Variants in SHISA9 observed in about 807,000 individuals in gnomAD.
The protein encoded by SHISA9 is protein shisa-9.
In SHISA9, 13 loss-of-function variants were observed where a neutral mutation model predicts 38.0. The observed-to-expected ratio is 0.34, with a 90% CI of 0.22 to 0.54. The LOEUF is 0.54. Among genes scored for constraint, SHISA9 ranks in the 20% least tolerant of loss-of-function variants. The probability of loss-of-function intolerance (pLI) is 0.91; values close to 1 mark genes in which losing one functional copy is unlikely to be tolerated. For synonymous variants in SHISA9, 275 were observed against 242.0 expected, an observed-to-expected ratio of 1.14 and a Z score of -1.27; for missense variants, 538 against 575.8, an observed-to-expected ratio of 0.93 and a Z score of 0.67.
At chr16:13,355,798 G>A in the SHISA9 span, among the ~76,000 whole-genome samples, 507 of 152,264 alleles carry the variant, frequency 3.3e-3, 3 homozygotes, top group Non-Finnish European at 5.2e-3. Flanking sequence ...GATGGTCTAG[G>A]GGGCTTCCGA....
the SHISA9 span, among the ~76,000 whole-genome samples, chr16:13,392,468 A>G: frequency 6.6e-6 from 1 of 152,316 alleles, no homozygotes; most frequent in East Asian, 1.9e-4. Context: ...TGATTCACCT[A>G]CTGAAGGATG....
At chr16:13,164,595 A>G (rs868806349) in intron 2 of SHISA9, among the ~76,000 whole-genome samples, 12 of 152,086 alleles carry the variant, frequency 7.9e-5, no homozygotes, top group African/African-American at 2.7e-4. Context: ...AGCTGAGGTC[A>G]TTCCTTTGAG....
chr16:13,553,392 C>T, the SHISA9 span, among the ~76,000 whole-genome samples: 1 of 152,188 alleles, frequency 6.6e-6, no homozygotes, highest in African/African-American at 2.4e-5. Flanking sequence ...TTTACATGAT[C>T]TGTTTTAAGT....
At chr16:13,467,654 G>T in the SHISA9 span, among the ~76,000 whole-genome samples, 8 of 152,178 alleles carry the variant, frequency 5.3e-5, no homozygotes, top group East Asian at 1.9e-4. Flanking sequence ...CTCACAATTT[G>T]CCCATCCATG....
chr16:13,483,328 C>A, the SHISA9 span, among the ~76,000 whole-genome samples: 2 of 152,094 alleles, frequency 1.3e-5, no homozygotes, highest in African/African-American at 4.8e-5. Flanking sequence ...TGGCATGCAC[C>A]CCCAAGGTCA....
chr16:12,998,571 C>G (rs1218689245), intron 2 of SHISA9, among the ~76,000 whole-genome samples: 1 of 152,148 alleles, frequency 6.6e-6, no homozygotes, highest in Non-Finnish European at 1.5e-5. Flanking sequence ...GCTCTGTTGG[C>G]TAGGCTGGAG....
chr16:13,396,368 A>C, the SHISA9 span, among the ~76,000 whole-genome samples: 31 of 152,318 alleles, frequency 2.0e-4, no homozygotes, highest in Admixed American at 1.9e-3. Context: ...TTAACTGGGC[A>C]GGGTGGTGTG....
At chr16:13,493,984 T>C in the SHISA9 span, among the ~76,000 whole-genome samples, 1 of 152,024 alleles carries the variant, frequency 6.6e-6, no homozygotes, top group African/African-American at 2.4e-5. Context: ...GAGATTCTGA[T>C]GGCTGGAGTT....
At chr16:13,074,746 C>G (rs995778986) in intron 2 of SHISA9, among the ~76,000 whole-genome samples, 1 of 150,814 alleles carries the variant, frequency 6.6e-6, no homozygotes, top group African/African-American at 2.4e-5. Context: ...CTCACTGCAA[C>G]CTCTGCCTCC....
At chr16:13,259,662 A>G in the SHISA9 span, among the ~76,000 whole-genome samples, 2 of 152,244 alleles carry the variant, frequency 1.3e-5, no homozygotes, top group Non-Finnish European at 2.9e-5. Flanking sequence ...CCACATGCTC[A>G]GTACCACATA....
At chr16:13,018,027 G>A (rs2072778591) in intron 2 of SHISA9, among the ~76,000 whole-genome samples, 1 of 152,174 alleles carries the variant, frequency 6.6e-6, no homozygotes, top group African/African-American at 2.4e-5. Flanking sequence ...TAACAACCAA[G>A]ACCATTCACT....
the SHISA9 span, among the ~76,000 whole-genome samples, chr16:13,328,363 T>C: frequency 6.6e-6 from 1 of 152,084 alleles, no homozygotes; most frequent in African/African-American, 2.4e-5. Context: ...CACCAGGGGG[T>C]TTGAACCTCC....
the SHISA9 span, among the ~76,000 whole-genome samples, chr16:13,267,875 GT>G: frequency 0.016 from 2,255 of 137,350 alleles, 23 homozygotes; most frequent in Middle Eastern, 0.056. Flanking sequence ...TGTTTCTCAG[GT>G]TTTTTTTTTT....
At chr16:13,339,065 T>G in the SHISA9 span, among the ~76,000 whole-genome samples, 2 of 152,142 alleles carry the variant, frequency 1.3e-5, no homozygotes, top group Middle Eastern at 3.2e-3. Context: ...TCTCTTGCAA[T>G]TTATGGGGAT....
the SHISA9 span, among the ~76,000 whole-genome samples, chr16:13,490,302 C>T: frequency 6.6e-6 from 1 of 152,190 alleles, no homozygotes; most frequent in East Asian, 1.9e-4. Flanking sequence ...GTGACGCACA[C>T]CTGTAATCCC....
intron 2 of SHISA9, among the ~76,000 whole-genome samples, chr16:13,008,562 G>A (rs908892326): frequency 5.3e-5 from 8 of 151,772 alleles, no homozygotes; most frequent in Non-Finnish European, 1.5e-5. Context: ...GTGTTCTCAC[G>A]AGATCTGGTT....
intron 2 of SHISA9, among the ~76,000 whole-genome samples, chr16:13,012,598 C>A (rs932661168): frequency 5.3e-5 from 8 of 152,158 alleles, no homozygotes; most frequent in African/African-American, 1.9e-4. Flanking sequence ...AACAAGCTAC[C>A]TTCTACACAT....
At chr16:13,562,259 T>C in the SHISA9 span, among the ~76,000 whole-genome samples, 1 of 152,210 alleles carries the variant, frequency 6.6e-6, no homozygotes. Flanking sequence ...TGGCCAGCCT[T>C]GGAGTGCACA....
chr16:13,271,236 G>A, the SHISA9 span, among the ~76,000 whole-genome samples: 2 of 152,208 alleles, frequency 1.3e-5, no homozygotes, highest in Non-Finnish European at 2.9e-5. Flanking sequence ...TAACATCAGT[G>A]TAGAGAGAAG....
Sources: gnomAD v4.1 joint callset for allele counts (sites outside exome capture counted in the v4.1 genomes callset) on GRCh38, gnomAD v4.1.1 for gene constraint, MANE v1.5 for transcripts, NCBI Gene and HGNC (gene_info 2026-07-23, HGNC 2026-07-21) for gene names.